Variants in MT4 observed in about 807,000 individuals in gnomAD.
The protein encoded by MT4 is metallothionein-4.
In MT4, 11 loss-of-function variants were observed where a neutral mutation model predicts 9.5. That is an observed-to-expected ratio of 1.16 (90% CI 0.73 to 1.92). MT4 has a LOEUF of 1.92. Ranked by LOEUF, MT4 falls within the 30% of genes most tolerant of loss-of-function variation. MT4 has a pLI of 0.00. For synonymous variants in MT4, 29 were observed against 24.6 expected, an observed-to-expected ratio of 1.18 and a Z score of -0.53; for missense variants, 88 against 78.7, an observed-to-expected ratio of 1.12 and a Z score of -0.45.
chr16:56,567,663 C>T, intron 1 of MT4, 88 bp from the exon 2 acceptor site: 3 of 1,264,962 alleles, frequency 2.4e-6, no homozygotes, highest in Non-Finnish European at 3.5e-6. Flanking sequence ...GCCCAGGAGC[C>T]TTGCCACTCT....
chr16:56,568,289 G>GAA (rs1567330691), intron 2 of MT4, among the ~76,000 whole-genome samples: 1 of 139,604 alleles, frequency 7.2e-6, no homozygotes, highest in Admixed American at 7.0e-5. Flanking sequence ...AAGAAAGAAA[G>GAA]AAAGAAAGAA....
chr16:56,567,884 G>A, intron 2 of MT4, 68 bp downstream of exon 2: 1 of 1,351,778 alleles, frequency 7.4e-7, no homozygotes, highest in African/African-American at 1.4e-5. Flanking sequence ...CAGGTGCAGT[G>A]GCTCACGTCT....
chr16:56,567,980 C>G (rs1050194613), intron 2 of MT4, among the ~76,000 whole-genome samples, 164 bp downstream of exon 2: 1 of 151,650 alleles, frequency 6.6e-6, no homozygotes, highest in African/African-American at 2.4e-5. Context: ...TGGTGAAACC[C>G]CATCTCTACT....
chr16:56,568,829 T>C lies in MT4; in HGVS notation c.98-12T>C. The C allele has an allele frequency of 6.3e-7, 1 of 1,577,714 alleles. No homozygotes were observed. Among genetic ancestry groups the C allele is most frequent in the Non-Finnish European group, 8.6e-7 (1 of 1,161,080 alleles). On this transcript the variant is annotated splice_polypyrimidine_tract_variant and intron_variant, in intron 2 of 2. Coordinates refer to ENST00000219162, the MANE Select transcript of MT4 (RefSeq NM_032935.3). ...ACCCACAGCGGATCTGCGCATCTCC[T>C]GACTCTTTCAGGCTGCTGTCCCTGC...
intron 1 of MT4, among the ~76,000 whole-genome samples, chr16:56,566,835 G>GAAAGA (rs1555479566): frequency 9.1e-6 from 1 of 109,492 alleles, no homozygotes; most frequent in African/African-American, 3.3e-5. Flanking sequence ...AAGAAAGAAA[G>GAAAGA]AAAGAAAGAA....
At chr16:56,568,433 T>A (rs1959582612) in intron 2 of MT4, among the ~76,000 whole-genome samples, 1 of 151,670 alleles carries the variant, frequency 6.6e-6, no homozygotes, top group South Asian at 2.1e-4. Context: ...AGATCTGAAA[T>A]GAGAACTATG....
Position 56,567,771 on chromosome 16 carries a change from G to A in MT4, c.52G>A (p.Asp18Asn). The change falls in exon 2 of 3, where the codon GAC becomes AAC. Residue 18 changes from aspartate to asparagine, a missense_variant. Physicochemically the swap from Asp to Asn is conservative, Grantham distance 23. Coordinates refer to ENST00000219162, the MANE Select transcript of MT4 (RefSeq NM_032935.3). ...CMSGGICMCG[D>N]NCKCTTCNCK... ...TCTAGGAGGAATCTGCATGTGTGGAGACAACTGCAAATGCACAACCTGCAA... is the reference window on the plus strand; with the variant it reads ...TCTAGGAGGAATCTGCATGTGTGGAAACAACTGCAAATGCACAACCTGCAA... The A allele has an allele frequency of 1.2e-6, 2 of 1,613,532 alleles. No individual in the cohort carries two copies. Among genetic ancestry groups the A allele is most frequent in the South Asian group, 2.2e-5 (2 of 91,074 alleles).
intron 1 of MT4, among the ~76,000 whole-genome samples, chr16:56,567,503 G>T (rs1307348416): frequency 1.3e-4 from 20 of 152,124 alleles, no homozygotes; most frequent in Admixed American, 1.2e-3. Flanking sequence ...CCAGGAATCT[G>T]CATTTTCACA....
At chr16:56,565,254 A>C in intron 1 of MT4, 95 bp downstream of exon 1, 16 of 1,370,070 alleles carry the variant, frequency 1.2e-5, no homozygotes, top group Non-Finnish European at 1.4e-5. Flanking sequence ...CTTCCCTCTA[A>C]TTAGGAGCCA....
chr16:56,568,224 A>AG (rs1567330512), intron 2 of MT4, among the ~76,000 whole-genome samples: 4 of 26,238 alleles, frequency 1.5e-4, no homozygotes, highest in South Asian at 1.4e-3. Flanking sequence ...AGAAAGAAAG[A>AG]AAGAAAGAAA....
intron 2 of MT4, among the ~76,000 whole-genome samples, chr16:56,568,256 AAAGAGAGAGAG>A (rs1959572890): frequency 2.0e-5 from 1 of 48,786 alleles, no homozygotes; most frequent in Non-Finnish European, 4.1e-5. Flanking sequence ...AGAAAGAAAG[AAAGAGAGAGAG>A]AGAGAGAAAG....
At chr16:56,568,267 G>A (rs77853330) in intron 2 of MT4, among the ~76,000 whole-genome samples, 4,572 of 66,736 alleles carry the variant, frequency 0.069, 136 homozygotes, top group East Asian at 0.12. Context: ...AAGAGAGAGA[G>A]AGAGAGAAAG....
At chr16:56,567,376 C>T (rs563460924) in intron 1 of MT4, among the ~76,000 whole-genome samples, 12 of 152,208 alleles carry the variant, frequency 7.9e-5, no homozygotes, top group African/African-American at 1.7e-4. Context: ...GGCTTGGAAA[C>T]GCTGGCCTCG....
chr16:56,568,015 T>C (rs773259943), intron 2 of MT4, among the ~76,000 whole-genome samples, 199 bp downstream of exon 2: 31 of 151,696 alleles, frequency 2.0e-4, no homozygotes, highest in Non-Finnish European at 3.7e-4. Context: ...TAGCTGGGCA[T>C]GGTGGTGGGC....
chr16:56,566,752 A>G (rs1959529911), intron 1 of MT4, among the ~76,000 whole-genome samples: 1 of 72,334 alleles, frequency 1.4e-5, no homozygotes, highest in Non-Finnish European at 2.9e-5. Context: ...GAAAGAAGGA[A>G]GGAAGGAAGG....
At chr16:56,567,323 C>A (rs1220369846) in intron 1 of MT4, among the ~76,000 whole-genome samples, 1 of 151,988 alleles carries the variant, frequency 6.6e-6, no homozygotes, top group Non-Finnish European at 1.5e-5. Flanking sequence ...TGTGCCTAGC[C>A]AAGAGGGTGT....
chr16:56,565,213 G>A, intron 1 of MT4, 54 bp downstream of exon 1: 1 of 1,588,280 alleles, frequency 6.3e-7, no homozygotes, highest in Non-Finnish European at 8.6e-7. Flanking sequence ...GCTTCCTACA[G>A]GGAGCCTGCA....
At chr16:56,565,642 G>A (rs1481133405) in intron 1 of MT4, among the ~76,000 whole-genome samples, 1 of 152,132 alleles carries the variant, frequency 6.6e-6, no homozygotes, top group Non-Finnish European at 1.5e-5. Flanking sequence ...GGGGAGTTGT[G>A]GACTCCCCTA....
chr16:56,565,187 TG>T, intron 1 of MT4, 28 bp downstream of exon 1: 1 of 1,604,812 alleles, frequency 6.2e-7, no homozygotes, highest in Non-Finnish European at 8.5e-7. Context: ...CCCTGGGGTC[TG>T]GGAACCTTGG....
Sources: gnomAD v4.1 joint callset for allele counts (sites outside exome capture counted in the v4.1 genomes callset) on GRCh38, gnomAD v4.1.1 for gene constraint, MANE v1.5 for transcripts, NCBI Gene and HGNC (gene_info 2026-07-23, HGNC 2026-07-21) for gene names.